DICER1: variants seen among roughly 807,000 people sequenced by gnomAD.
The protein encoded by DICER1 is dicer 1, ribonuclease III, also known as endoribonuclease Dicer.
Under a neutral mutation model 194.1 loss-of-function variants are expected in DICER1, and 43 were observed. The ratio of observed to expected loss-of-function variants is 0.22; its 90% CI spans 0.17 to 0.29. The LOEUF (loss-of-function observed/expected upper bound fraction) is 0.29, where lower values mean the gene tolerates loss of function less well. Ranked by LOEUF, DICER1 falls within the 10% of genes least tolerant of loss-of-function variation. The pLI is 1.00. For missense variants in DICER1, 1,608 were observed against 2,317.0 expected (o/e 0.69, Z 6.28); for synonymous variants, 832 against 820.5 (o/e 1.01, Z -0.24).
At chr14:95,141,103 T>C (rs1396426855) in intron 1 of DICER1, 1 of 152,130 alleles carries the variant, frequency 6.6e-6, no homozygotes, top group Non-Finnish European at 1.5e-5. Flanking sequence ...AGCTATTATT[T>C]CCTAAATTCA....
At position 95,113,182 on chromosome 14, in the gene DICER1, A is replaced by G. The variant is rs1892135666; in HGVS notation, c.1950T>C (p.Ala650=). The change falls in exon 12 of 27, where the codon GCT becomes GCC. Residue 650 remains alanine, a synonymous_variant. Coordinates refer to ENST00000343455, the MANE Select transcript of DICER1 (RefSeq NM_177438.3). ...GCAACTCTCGGGTTCTGCATTTAGG[A>G]GCTAGATGAGTAAACGGATCACTTG... is the stretch of plus-strand genomic sequence containing the variant. ...RLPSDPFTHL[A]PKCRTRELPD... 2 of 1,613,514 alleles carry G rather than the reference A, an allele frequency of 1.2e-6. No individual in the cohort carries two copies. Among genetic ancestry groups the G allele is most frequent in the Non-Finnish European group, 1.7e-6 (2 of 1,179,492 alleles).
chr14:95,129,962 G>T, intron 5 of DICER1, 96 bp downstream of exon 5: 1 of 1,147,034 alleles, frequency 8.7e-7, no homozygotes, highest in Non-Finnish European at 1.3e-6. Flanking sequence ...TCCCAATATT[G>T]ATAACTAATA....
At position 95,124,321 on chromosome 14, in the gene DICER1, A is replaced by C. The variant is rs899404083; in HGVS notation, c.1251T>G (p.Asp417Glu). ...CTTCAATTTCTTCATCCTCATCATCATCCTCAGAATCACTCCATGACACAT... is the reference window on the plus strand; with the variant it reads ...CTTCAATTTCTTCATCCTCATCATCCTCCTCAGAATCACTCCATGACACAT... Reference protein sequence around the residue: ...DNYVSWSDSEDDDEDEEIEEK... With the variant: ...DNYVSWSDSEEDDEDEEIEEK... Residue 417 changes from aspartate (D) to glutamate (E), a missense_variant, in exon 8 of 27, where the codon GAT becomes GAG. Transcript: ENST00000343455. The surrounding 1 kb of genome is among the most constrained non-coding windows in gnomAD (Gnocchi z 4.5). 2 of 1,613,720 alleles carry C rather than the reference A, an allele frequency of 1.2e-6. No individual in the cohort carries two copies. Among genetic ancestry groups the C allele is most frequent in the African/African-American group, 2.7e-5 (2 of 74,906 alleles).
At chr14:95,149,072 TAC>T (rs1895335658) in intron 1 of DICER1, among the ~76,000 whole-genome samples, 1 of 152,122 alleles carries the variant, frequency 6.6e-6, no homozygotes, top group South Asian at 2.1e-4. Flanking sequence ...TACAGGCACA[TAC>T]TTTACTCTTA....
At position 95,091,173 on chromosome 14, in the gene DICER1, T is replaced by A. The variant is rs766703776; in HGVS notation, c.5527+30A>T. On this transcript the variant is annotated intron_variant, in intron 25 of 26. Transcript: ENST00000343455. The stretch of plus-strand genomic sequence containing the variant: ...TGAAGTTGTTTTTAATTTTGTGGGT[T>A]TTTTTCTTTCTAAAGGGAGCCAACA... The A allele has an allele frequency of 4.5e-5, 72 of 1,614,060 alleles. No homozygotes were observed. Among genetic ancestry groups the A allele is most frequent in the Non-Finnish European group, 5.8e-5 (69 of 1,180,030 alleles).
rs374109181 is a variant in DICER1, at chr14:95,105,285, C to T, written c.3094-39G>A. The T allele has an allele frequency of 8.3e-6, 13 of 1,564,782 alleles. No individual in the cohort carries two copies. Among genetic ancestry groups the T allele is most frequent in the South Asian group, 3.4e-5 (3 of 89,478 alleles). On this transcript the variant is annotated intron_variant, in intron 19 of 26. Transcript: ENST00000343455. This position sits in a 1 kb window ranked among gnomAD's most constrained non-coding sequence, Gnocchi z 4.9. ...GAAAAATGGACAGATAAATACAAAG[C>T]GCACACACAAAAGAAAAAAAAAAAG...
chr14:95,087,816 C>T lies in DICER1; in HGVS notation c.*2682G>A, dbSNP rs1031874646. On this transcript the variant is annotated 3_prime_UTR_variant, in exon 27 of 27. Transcript: ENST00000343455. ...GTCCTTTACACACGTGCTCAGGGCA[C>T]AACCACACCCCACTGGTAGGTTTTC... is the stretch of plus-strand genomic sequence containing the variant. 14 of 233,142 alleles carry T rather than the reference C, an allele frequency of 6.0e-5. No homozygotes were observed. In the Admixed American group the frequency reaches 6.7e-4, roughly 11 times the overall value. The allele number at this position is 233,142 out of a possible 1,614,324, so 14.4% of individuals were successfully genotyped here. A position where few individuals can be genotyped will look rare whatever the true frequency, so the allele number is the denominator to read the frequency against.
chr14:95,144,324 T>C (rs762790547), intron 1 of DICER1, among the ~76,000 whole-genome samples: 2 of 152,076 alleles, frequency 1.3e-5, no homozygotes, highest in Non-Finnish European at 2.9e-5. Context: ...TTTTTTTCCT[T>C]TGTACCTATC....
chr14:95,095,306 T>C (rs189167962), intron 23 of DICER1: 94 of 177,906 alleles, frequency 5.3e-4, no homozygotes, highest in African/African-American at 2.0e-3. Flanking sequence ...CAGTGAGAAG[T>C]AGAAGATGAC....
intron 17 of DICER1, among the ~76,000 whole-genome samples, chr14:95,106,676 G>GA (rs1012892634): frequency 2.0e-4 from 29 of 144,930 alleles, no homozygotes; most frequent in South Asian, 4.4e-4. Flanking sequence ...GGTGCAAAAA[G>GA]AAAAAAAAAA....
chr14:95,143,364 T>C (rs1894938100), intron 1 of DICER1, among the ~76,000 whole-genome samples: 1 of 151,934 alleles, frequency 6.6e-6, no homozygotes, highest in Non-Finnish European at 1.5e-5. Flanking sequence ...AGGGAAGAGG[T>C]CCCTTTCCCC....
At chr14:95,097,659 A>C (rs926930163) in intron 22 of DICER1, among the ~76,000 whole-genome samples, 1 of 152,230 alleles carries the variant, frequency 6.6e-6, no homozygotes, top group Non-Finnish European at 1.5e-5. Flanking sequence ...GGGAAGACGA[A>C]GGGTGTGCAT....
intron 2 of DICER1, 152 bp from the exon 3 acceptor site, chr14:95,132,829 A>G: frequency 1.4e-6 from 1 of 735,966 alleles, no homozygotes; most frequent in South Asian, 1.7e-5. Context: ...ACGTCTTTAT[A>G]CGAGAATAAC....
intron 1 of DICER1, among the ~76,000 whole-genome samples, chr14:95,143,760 A>G (rs948948572): frequency 6.6e-6 from 1 of 151,966 alleles, no homozygotes. Context: ...TTTCTTTTCT[A>G]CCTTTGTGGA....
chr14:95,112,966 G>A (rs941487137), intron 12 of DICER1, 126 bp downstream of exon 12: 5 of 1,003,042 alleles, frequency 5.0e-6, no homozygotes, highest in Non-Finnish European at 7.7e-6. Flanking sequence ...TCAACACAAG[G>A]CTCCTGCTCA....
intron 1 of DICER1, among the ~76,000 whole-genome samples, chr14:95,153,999 A>C (rs961214222): frequency 6.6e-6 from 1 of 152,248 alleles, no homozygotes; most frequent in Non-Finnish European, 1.5e-5. Flanking sequence ...GGATGAACTA[A>C]GCTCTTGAAT....
intron 1 of DICER1, chr14:95,140,564 AG>A (rs1272721485): frequency 6.6e-6 from 1 of 152,216 alleles, no homozygotes; most frequent in Non-Finnish European, 1.5e-5. Flanking sequence ...GAAGATATCC[AG>A]TCATTAAGCA....
intron 7 of DICER1, among the ~76,000 whole-genome samples, chr14:95,125,371 G>A (rs1351245404): frequency 6.6e-6 from 1 of 151,040 alleles, no homozygotes; most frequent in Non-Finnish European, 1.5e-5. Context: ...CAAGGTCAGG[G>A]CTCCTCAACA....
Position 95,089,461 on chromosome 14 carries a change from G to A in DICER1, c.*1037C>T, listed in dbSNP as rs1889601239. The A allele has an allele frequency of 4.3e-6, 1 of 232,440 alleles. No homozygotes were observed. Among genetic ancestry groups the A allele is most frequent in the South Asian group, 1.8e-4 (1 of 5,520 alleles). The allele number at this position is 232,440 out of a possible 1,614,324, so 14.4% of individuals were successfully genotyped here. On this transcript the variant is annotated 3_prime_UTR_variant, in exon 27 of 27. Coordinates refer to ENST00000343455, the MANE Select transcript of DICER1 (RefSeq NM_177438.3). Reference sequence around the variant, plus strand: ...TAACCAATCAATTATAAAATCTGCAGCATATTTTAGGTGTGATATGTCTAA... The same window carrying A: ...TAACCAATCAATTATAAAATCTGCAACATATTTTAGGTGTGATATGTCTAA...
Sources: gnomAD v4.1 joint callset for allele counts (sites outside exome capture counted in the v4.1 genomes callset) on GRCh38, gnomAD v4.1.1 for gene constraint, Gnocchi (gnomAD v3.1) non-coding constraint, MANE v1.5 for transcripts, NCBI Gene and HGNC (gene_info 2026-07-23, HGNC 2026-07-21) for gene names.